CFAP74: variants seen among roughly 807,000 people sequenced by gnomAD.
CFAP74 encodes cilia- and flagella-associated protein 74.
In CFAP74, 124 loss-of-function variants were observed where a neutral mutation model predicts 188.9. That is an observed-to-expected ratio of 0.66 (90% CI 0.57 to 0.76). The LOEUF is 0.76. CFAP74 is among the 30% of genes least tolerant of loss of function. The pLI is 0.00. For synonymous variants in CFAP74, 956 were observed against 916.7 expected, an observed-to-expected ratio of 1.04 and a Z score of -0.77; for missense variants, 2,198 against 2,165.2, an observed-to-expected ratio of 1.02 and a Z score of -0.30.
At chr1:1,959,466 A>G (rs1441923945) in intron 15 of CFAP74, among the ~76,000 whole-genome samples, 1 of 151,652 alleles carries the variant, frequency 6.6e-6, no homozygotes, top group African/African-American at 2.4e-5. Context: ...GGGTCTCGCC[A>G]TGTTGCCCAG....
At chr1:1,958,824 A>G (rs1654854426) in intron 16 of CFAP74, among the ~76,000 whole-genome samples, 1 of 151,140 alleles carries the variant, frequency 6.6e-6, no homozygotes, top group Admixed American at 6.6e-5. Flanking sequence ...AGAGCTGCAG[A>G]TGAATGTTAA....
chr1:1,924,454 C>T lies in CFAP74; in HGVS notation c.4171G>A (p.Gly1391Ser). ...MHLDSLSSTR[G>S]RGQQQLPQFL... ...TGCGGCAGCTGCTGCTGGCCCCGGC[C>T]CCGGGTGCTGGAGAGGCTGTCCAGG... Residue 1391 changes from glycine to serine, a missense_variant, in exon 34 of 39, where the codon GGC becomes AGC. Physicochemically the swap from Gly to Ser is moderately conservative, Grantham distance 56. Transcript: ENST00000682832. The T allele has an allele frequency of 6.3e-7, 1 of 1,584,678 alleles. No individual in the cohort carries two copies.
At chr1:1,991,556 T>A (rs535391124) in intron 1 of CFAP74, among the ~76,000 whole-genome samples, 1 of 151,964 alleles carries the variant, frequency 6.6e-6, no homozygotes, top group Non-Finnish European at 1.5e-5. Flanking sequence ...TGAGCCGAGA[T>A]AGTGCCACTG....
chr1:1,950,877 T>C (rs779154671), intron 18 of CFAP74, among the ~76,000 whole-genome samples: 3 of 152,208 alleles, frequency 2.0e-5, no homozygotes, highest in African/African-American at 4.8e-5. Context: ...GAAAAACCTT[T>C]GCCTCACCTA....
intron 1 of CFAP74, among the ~76,000 whole-genome samples, chr1:1,993,947 A>T (rs377491260): frequency 2.6e-5 from 4 of 151,060 alleles, no homozygotes; most frequent in African/African-American, 9.7e-5. Context: ...ACACCACTGC[A>T]CTCCAGCCTG....
chr1:1,944,471 G>C lies in CFAP74; in HGVS notation c.2365-19C>G, dbSNP rs1472854926. 4.6e-6 allele frequency: 7 copies of C among 1,534,450 alleles called. No homozygotes were observed. In the South Asian group the frequency reaches 7.1e-5, roughly 16 times the overall value. On this transcript the variant is annotated intron_variant, in intron 20 of 38. Transcript: ENST00000682832. ...AATGCAGCTGCATATGGACACAGGA[G>C]CTCAGCAACAGGAGTTCCTTGGGCA...
At chr1:1,955,658 C>T (rs1436045670) in intron 18 of CFAP74, 33 bp downstream of exon 18, 4 of 1,606,470 alleles carry the variant, frequency 2.5e-6, no homozygotes, top group East Asian at 2.2e-5. Context: ...TCACCGCCCG[C>T]CCACCCTGGC....
intron 6 of CFAP74, among the ~76,000 whole-genome samples, chr1:1,980,419 G>A (rs1484192437): frequency 7.6e-6 from 1 of 131,356 alleles, no homozygotes; most frequent in Non-Finnish European, 1.7e-5. Flanking sequence ...ATCGCAGTGG[G>A]CGCCCTCTTA....
At chr1:1,982,375 G>C (rs1407096797) in intron 6 of CFAP74, among the ~76,000 whole-genome samples, 3 of 141,874 alleles carry the variant, frequency 2.1e-5, no homozygotes, top group Admixed American at 6.9e-5. Flanking sequence ...ACATGCAGGA[G>C]TCCCAGCTGT....
rs767610376 is a variant in CFAP74 at position 1,927,742 on chromosome 1, C to A, written c.3392G>T (p.Arg1131Leu). 31 of 1,549,664 alleles carry A rather than the reference C, an allele frequency of 2.0e-5. No individual in the cohort carries two copies. Among genetic ancestry groups the A allele is most frequent in the Non-Finnish European group, 2.7e-5 (31 of 1,146,580 alleles). ...CTTCCTCTGGGGGGCCATATTCTTT[C>A]GGAACTGTGGGGGGAGCGACTGGCT... ...LNKEMETKSF[R>L]KNMAPQRKDL... The change falls in exon 28 of 39, where the codon CGA (arginine) becomes CTA (leucine). Residue 1131 changes from arginine (R) to leucine (L), a missense_variant. Coordinates refer to ENST00000682832, the MANE Select transcript of CFAP74 (RefSeq NM_001304360.2).
chr1:1,927,819 T>G (rs1570820048), intron 27 of CFAP74, 73 bp from the exon 28 acceptor site: 5 of 1,469,846 alleles, frequency 3.4e-6, no homozygotes, highest in Non-Finnish European at 4.6e-6. Context: ...GTGGCTCCTC[T>G]GCGGCCAGTG....
intron 16 of CFAP74, among the ~76,000 whole-genome samples, chr1:1,957,469 C>T (rs1654727783): frequency 6.6e-6 from 1 of 152,214 alleles, no homozygotes; most frequent in Non-Finnish European, 1.5e-5. Flanking sequence ...CGCCTGGGTC[C>T]TGTTCTCCCC....
chr1:1,956,515 A>G, intron 17 of CFAP74, 105 bp downstream of exon 17: 2 of 1,399,444 alleles, frequency 1.4e-6, no homozygotes, highest in East Asian at 4.6e-5. Context: ...TCCTTCTCCC[A>G]GGCCCACTGT....
intron 17 of CFAP74, 108 bp from the exon 18 acceptor site, chr1:1,955,958 C>G (rs552997945): frequency 3.4e-6 from 5 of 1,461,768 alleles, no homozygotes; most frequent in Non-Finnish European, 4.5e-6. Context: ...TGGACCCTGG[C>G]TCCAGCGTGG....
intron 25 of CFAP74, among the ~76,000 whole-genome samples, chr1:1,936,622 A>G (rs915639564): frequency 6.7e-6 from 1 of 149,006 alleles, no homozygotes; most frequent in Non-Finnish European, 1.5e-5. Context: ...TGAGGAGGAG[A>G]GCCGCGCACA....
At chr1:1,986,336 G>A (rs1017552055) in intron 5 of CFAP74, among the ~76,000 whole-genome samples, 4 of 152,202 alleles carry the variant, frequency 2.6e-5, no homozygotes, top group Admixed American at 6.5e-5. Flanking sequence ...GCAGTGGCCC[G>A]AAGCCCCTCA....
chr1:1,965,192 G>A (rs1655386781), intron 12 of CFAP74, 131 bp from the exon 13 acceptor site: 1 of 893,652 alleles, frequency 1.1e-6, no homozygotes, highest in South Asian at 1.8e-5. Context: ...CACCAGCGCT[G>A]GAGCTGGGAA....
Position 1,965,000 on chromosome 1 carries a change from AG to A in CFAP74, c.1462del (p.Leu488TrpfsTer53). 6.2e-7 allele frequency: 1 copy of A among 1,613,924 alleles called. No homozygotes were observed. The highest frequency in any genetic ancestry group is 8.5e-7 in the Non-Finnish European group (1 of 1,179,914). On this transcript the variant is annotated frameshift_variant, in exon 13 of 39. Coordinates refer to ENST00000682832, the MANE Select transcript of CFAP74 (RefSeq NM_001304360.2). LOFTEE classifies it high-confidence loss of function. Reference protein sequence around the residue: ...VGGTKMDKDILERTVERLRSR... With the variant: ...VGGTKMDKDIXERTVERLRSR... ...CCGCAGCCGCTCCACCGTGCGCTCCAGGATGTCCTTGTCCATCTTTGTCCCG... is the reference window on the plus strand; with the variant it reads ...CCGCAGCCGCTCCACCGTGCGCTCCAGATGTCCTTGTCCATCTTTGTCCCG...
At chr1:1,934,708 C>T (rs1269053509) in intron 25 of CFAP74, among the ~76,000 whole-genome samples, 17 of 105,900 alleles carry the variant, frequency 1.6e-4, no homozygotes, top group Non-Finnish European at 1.7e-4. Context: ...CAGGTGTGTA[C>T]GTGGGTGTTA....
Sources: allele counts gnomAD v4.1 joint callset (sites outside exome capture counted in the v4.1 genomes callset), GRCh38; gene constraint gnomAD v4.1.1; transcripts MANE v1.5; gene names NCBI Gene and HGNC (gene_info 2026-07-23, HGNC 2026-07-21).